Variants in KIF20A observed in about 807,000 individuals in gnomAD.
KIF20A encodes the protein kinesin family member 20A, also known as kinesin-like protein KIF20A.
In KIF20A, 66 loss-of-function variants were observed where a neutral mutation model predicts 113.0. The ratio of observed to expected loss-of-function variants is 0.58; its 90% CI spans 0.48 to 0.72. KIF20A has a LOEUF of 0.72. KIF20A is among the 30% of genes least tolerant of loss of function. KIF20A has a pLI of 0.00. For missense variants in KIF20A, 927 were observed against 1,077.6 expected (o/e 0.86, Z 1.96); for synonymous variants, 376 against 402.3 (o/e 0.93, Z 0.78).
At position 138,184,403 on chromosome 5, in the gene KIF20A, A is replaced by T; in HGVS notation, c.1517A>T (p.Gln506Leu). Residue 506 changes from glutamine (Q) to leucine (L), a missense_variant and splice_region_variant, in exon 12 of 19, where the codon CAG becomes CTG. By Grantham distance (113) the Gln-to-Leu change is moderately radical. Transcript: ENST00000394894. ...GCCAAGTTCTCAGCCATTGCTAGCCAGGTGAGAAGCTAGAGGTGTGATGGG... is the reference window on the plus strand; with the variant it reads ...GCCAAGTTCTCAGCCATTGCTAGCCTGGTGAGAAGCTAGAGGTGTGATGGG... ...HVAKFSAIASQLVHAPPMQLG... is the reference protein window; with the variant it reads ...HVAKFSAIASLLVHAPPMQLG... 1 of 1,614,198 alleles carries T rather than the reference A, an allele frequency of 6.2e-7. No individual in the cohort carries two copies.
chr5:138,186,185 C>A, intron 17 of KIF20A, 109 bp from the exon 18 acceptor site: 2 of 1,486,466 alleles, frequency 1.3e-6, no homozygotes, highest in Admixed American at 2.0e-5. Context: ...TTTCACTCAG[C>A]TGACTAGCCT....
At chr5:138,186,171 G>A (rs1241292454) in intron 17 of KIF20A, 119 bp downstream of exon 17, 1 of 1,473,080 alleles carries the variant, frequency 6.8e-7, no homozygotes, top group Non-Finnish European at 9.4e-7. Context: ...CTGGAGAGTG[G>A]CTATTTCACT....
intron 16 of KIF20A, 21 bp downstream of exon 16, chr5:138,185,731 G>A (rs1365510374): frequency 7.4e-6 from 12 of 1,612,206 alleles, no homozygotes; most frequent in Non-Finnish European, 1.0e-5. Flanking sequence ...AGACAGGCAG[G>A]AAACATAACA....
intron 18 of KIF20A, among the ~76,000 whole-genome samples, chr5:138,186,886 G>A (rs965865705): frequency 3.3e-5 from 5 of 152,164 alleles, no homozygotes; most frequent in Non-Finnish European, 5.9e-5. Flanking sequence ...TACCTTATGT[G>A]TTAGAAGATG....
chr5:138,180,014 A>G (rs993352769), intron 2 of KIF20A, among the ~76,000 whole-genome samples, 169 bp downstream of exon 2: 1 of 152,206 alleles, frequency 6.6e-6, no homozygotes, highest in African/African-American at 2.4e-5. Context: ...AGAAAAAAAA[A>G]TTAAGGGCAT....
intron 3 of KIF20A, 46 bp from the exon 4 acceptor site, chr5:138,181,563 T>C: frequency 6.2e-7 from 1 of 1,614,104 alleles, no homozygotes; most frequent in Non-Finnish European, 8.5e-7. Context: ...GTACAAAAGA[T>C]TCCCAGGAAT....
At chr5:138,179,348 G>C in intron 1 of KIF20A, 146 bp downstream of exon 1, 1 of 324,622 alleles carries the variant, frequency 3.1e-6, no homozygotes. Flanking sequence ...GGTTAGAGAA[G>C]GAGCCGAGGG....
Position 138,179,650 on chromosome 5 carries a change from C to T in KIF20A, c.-21-10C>T, listed in dbSNP as rs369613226. 3 of 1,611,720 alleles carry T rather than the reference C, an allele frequency of 1.9e-6. No homozygotes were observed. Among genetic ancestry groups the T allele is most frequent in the Non-Finnish European group, 2.5e-6 (3 of 1,179,392 alleles). ...TTCTTCTCCCTGCCCACTTTTTGGT[C>T]TCTTTTTAGACCTAGGCTGCCCCTG... On this transcript the variant is annotated splice_polypyrimidine_tract_variant and intron_variant, in intron 1 of 18. Coordinates refer to ENST00000394894, the MANE Select transcript of KIF20A (RefSeq NM_005733.3).
At chr5:138,182,517 C>T (rs1754675388) in intron 5 of KIF20A, 56 bp downstream of exon 5, 19 of 1,611,992 alleles carry the variant, frequency 1.2e-5, no homozygotes, top group Non-Finnish European at 1.5e-5. Context: ...GTTGTTTTTA[C>T]CTTTTGAGAC....
chr5:138,181,087 A>G (rs1754653806), intron 2 of KIF20A, among the ~76,000 whole-genome samples: 1 of 152,276 alleles, frequency 6.6e-6, no homozygotes, highest in South Asian at 2.1e-4. Context: ...TCTCATAGTT[A>G]CTAAGTCATG....
intron 2 of KIF20A, 41 bp from the exon 3 acceptor site, chr5:138,181,381 C>T (rs779570677): frequency 3.5e-5 from 54 of 1,563,272 alleles, no homozygotes; most frequent in Non-Finnish European, 4.6e-5. Flanking sequence ...GAGGTAACTG[C>T]TGAAATTAAT....
At chr5:138,185,263 A>G in intron 15 of KIF20A, 66 bp downstream of exon 15, 3 of 1,137,426 alleles carry the variant, frequency 2.6e-6, no homozygotes, top group Non-Finnish European at 2.6e-6. Flanking sequence ...CCTGAAGTAA[A>G]GAGATTTTAT....
rs771757507 is a variant in KIF20A at position 138,181,675 on chromosome 5, A to C, written c.322A>C (p.Lys108Gln). The C allele has an allele frequency of 6.2e-7, 1 of 1,614,092 alleles. No homozygotes were observed. Among genetic ancestry groups the C allele is most frequent in the African/African-American group, 1.3e-5 (1 of 74,936 alleles). ...LQAPKDSFAL[K>Q]SNERGIGQAT... ...AGCACCCAAGGACTCTTTTGCCCTG[A>C]AGAGCAATGAACGGGGAATTGGCCA... The change falls in exon 4 of 19, where the codon AAG becomes CAG. Residue 108 changes from lysine (K) to glutamine (Q), a missense_variant. By Grantham distance (53) the Lys-to-Gln change is moderately conservative. Transcript: ENST00000394894.
rs202090102 is a variant in KIF20A, at chr5:138,187,339, A to T, written c.2599A>T (p.Ser867Cys). The stretch of plus-strand genomic sequence containing the variant: ...AACCTGCCAAAGCTCAACAGACTGC[A>T]GCCCTTATGCCCGGATCCTACGCTC... Reference protein sequence around the residue: ...TPTCQSSTDCSPYARILRSRR... With the variant: ...TPTCQSSTDCCPYARILRSRR... Residue 867 changes from serine to cysteine, a missense_variant, in exon 19 of 19, where the codon AGC (serine) becomes TGC (cysteine). Ser to Cys is a moderately radical substitution (Grantham distance 112). Transcript: ENST00000394894. 3.1e-6 allele frequency: 5 copies of T among 1,614,202 alleles called. No individual in the cohort carries two copies. In the East Asian group the frequency reaches 1.1e-4, roughly 36 times the overall value.
intron 2 of KIF20A, 145 bp from the exon 3 acceptor site, chr5:138,181,277 T>C (rs981281627): frequency 8.6e-6 from 6 of 698,002 alleles, no homozygotes; most frequent in African/African-American, 1.8e-5. Flanking sequence ...TTGGAATGAT[T>C]GTGGAACCAA....
rs969869201 is a variant in KIF20A at position 138,184,069 on chromosome 5, G to A, written c.1316G>A (p.Arg439His). ...NINTSLHTLGRCIAALRQNQQ... is the reference protein window; with the variant it reads ...NINTSLHTLGHCIAALRQNQQ... ...AACACCTCTCTACACACCCTGGGCC[G>A]CTGTATTGCTGCCCTTCGTCAAAAC... The change falls in exon 11 of 19, where the codon CGC becomes CAC. Residue 439 changes from arginine (R) to histidine (H), a missense_variant. Physicochemically the swap from Arg to His is conservative, Grantham distance 29. Transcript: ENST00000394894. 4 of 1,614,132 alleles carry A rather than the reference G, an allele frequency of 2.5e-6. No homozygotes were observed. Among genetic ancestry groups the A allele is most frequent in the Non-Finnish European group, 3.4e-6 (4 of 1,180,008 alleles).
chr5:138,187,042 T>G, intron 18 of KIF20A, 54 bp from the exon 19 acceptor site: 1 of 1,392,936 alleles, frequency 7.2e-7, no homozygotes, highest in Non-Finnish European at 9.8e-7. Flanking sequence ...GCCCTCTCGT[T>G]TCTCTAATAT....
chr5:138,185,172 C>T lies in KIF20A; in HGVS notation c.1901C>T (p.Thr634Ile). Reference protein sequence around the residue: ...EKLNILKESLTSFYQEEIQER... With the variant: ...EKLNILKESLISFYQEEIQER... ...CTAAATATCCTCAAGGAGTCACTGA[C>T]AAGTTTTTACCAAGAAGAGATTCAG... The change falls in exon 15 of 19, where the codon ACA becomes ATA. Residue 634 changes from threonine (T) to isoleucine (I), a missense_variant. Thr to Ile is a moderately conservative substitution (Grantham distance 89). Transcript: ENST00000394894. The T allele has an allele frequency of 1.2e-6, 2 of 1,613,398 alleles. 1 individual carries two copies. Among genetic ancestry groups the T allele is most frequent in the South Asian group, 2.2e-5 (2 of 91,010 alleles).
rs35308118 is a variant in KIF20A, at chr5:138,184,608, G to C, written c.1615G>C (p.Ala539Pro). 1.9e-6 allele frequency: 3 copies of C among 1,614,068 alleles called. No individual in the cohort carries two copies. The African/African-American group carries it at 4.0e-5, about 22-fold the overall frequency. ...GGTATCCCCCAGCTTAGAGAAAGGG[G>C]CTAAGGCAGACACAGGCCTTGATGA... ...LQVSPSLEKG[A>P]KADTGLDDDI... The change falls in exon 13 of 19, where the codon GCT becomes CCT. Residue 539 changes from alanine (A) to proline (P), a missense_variant. Coordinates refer to ENST00000394894, the MANE Select transcript of KIF20A (RefSeq NM_005733.3).
Sources: gnomAD v4.1 joint callset for allele counts (sites outside exome capture counted in the v4.1 genomes callset) on GRCh38, gnomAD v4.1.1 for gene constraint, MANE v1.5 for transcripts, NCBI Gene and HGNC (gene_info 2026-07-23, HGNC 2026-07-21) for gene names.